FYTTD1: variants seen among roughly 807,000 people sequenced by gnomAD.
FYTTD1 encodes UAP56-interacting factor.
FYTTD1 carries 22 observed loss-of-function variants against 40.9 expected under a neutral mutation model. The observed-to-expected ratio is 0.54, with a 90% CI of 0.38 to 0.77. The LOEUF (loss-of-function observed/expected upper bound fraction) is 0.77, where lower values mean the gene tolerates loss of function less well. FYTTD1 is among the 30% of genes least tolerant of loss of function. The probability of loss-of-function intolerance (pLI) is 0.00; values close to 1 mark genes in which losing one functional copy is unlikely to be tolerated. For missense variants in FYTTD1, 351 were observed against 392.2 expected (o/e 0.90, Z 0.89); for synonymous variants, 140 against 137.9 (o/e 1.01, Z -0.10).
chr3:197,762,153 CAT>C (rs1729407226), intron 2 of FYTTD1, among the ~76,000 whole-genome samples: 1 of 152,178 alleles, frequency 6.6e-6, no homozygotes, highest in South Asian at 2.1e-4. Context: ...AGTATTTCAA[CAT>C]GTGAATTTTG....
At chr3:197,750,145 G>C (rs549481250) in intron 1 of FYTTD1, 71 bp downstream of exon 1, 33 of 1,186,540 alleles carry the variant, frequency 2.8e-5, no homozygotes, top group Non-Finnish European at 7.0e-6. Flanking sequence ...CGCGGTTTGT[G>C]GGGGCAGGGG....
chr3:197,786,905 T>C lies in FYTTD1; in HGVS notation c.*4996T>C, dbSNP rs1334090579. ...AGGATCCTTTCCGGGTTCAAGCAAT[T>C]CTTGTCCCTCAGCCTCGTAAGTAGG... On this transcript the variant is annotated 3_prime_UTR_variant, in exon 9 of 9. Coordinates refer to ENST00000241502, the MANE Select transcript of FYTTD1 (RefSeq NM_032288.7). The C allele has an allele frequency of 6.6e-6, 1 of 151,196 alleles. No individual in the cohort carries two copies. The highest frequency in any genetic ancestry group is 2.0e-4 in the East Asian group (1 of 5,100). The allele number at this position is 151,196 out of a possible 1,614,324, so 9.4% of individuals were successfully genotyped here.
chr3:197,779,879 TGC>T (rs1729979001), intron 8 of FYTTD1, among the ~76,000 whole-genome samples: 1 of 94,752 alleles, frequency 1.1e-5, no homozygotes. Context: ...AGGCACACAC[TGC>T]CACACCTGGG....
intron 8 of FYTTD1, among the ~76,000 whole-genome samples, chr3:197,781,162 A>C (rs1017263820): frequency 3.3e-5 from 5 of 151,916 alleles, no homozygotes; most frequent in Non-Finnish European, 5.9e-5. Context: ...AAAAATAAAA[A>C]AATTAGCCGG....
At chr3:197,771,383 C>T (rs1418610817) in intron 4 of FYTTD1, among the ~76,000 whole-genome samples, 1 of 152,142 alleles carries the variant, frequency 6.6e-6, no homozygotes, top group African/African-American at 2.4e-5. Context: ...AGTGGCTGGG[C>T]ACAGTGGCTC....
chr3:197,758,640 A>G (rs1376363883), intron 2 of FYTTD1, among the ~76,000 whole-genome samples: 2 of 152,228 alleles, frequency 1.3e-5, no homozygotes, highest in Non-Finnish European at 2.9e-5. Context: ...CTTGAAATAA[A>G]TGATATCTAG....
chr3:197,758,932 C>A (rs779103563), intron 2 of FYTTD1, among the ~76,000 whole-genome samples: 1 of 152,194 alleles, frequency 6.6e-6, no homozygotes, highest in Non-Finnish European at 1.5e-5. Flanking sequence ...TCTTTAACTT[C>A]GTGTGTGAAA....
chr3:197,762,190 A>G (rs1334558465), intron 2 of FYTTD1, among the ~76,000 whole-genome samples: 1 of 151,934 alleles, frequency 6.6e-6, no homozygotes, highest in East Asian at 1.9e-4. Flanking sequence ...TTCAGTCCTT[A>G]ACAAGCAGTT....
In FYTTD1 at chr3:197,766,430, G is replaced by GGTGTGTGTGTGTGTGTGTGTGTGTGTGT. The variant is rs111725145; in HGVS notation, c.236-2006_236-1979dup. Among the ~76,000 whole-genome samples the GGTGTGTGTGTGTGTGTGTGTGTGTGTGT allele has an allele frequency of 7.8e-4, 105 of 135,068 alleles. 1 individual carries two copies. The highest frequency in any genetic ancestry group is 3.2e-3 in the Admixed American group (41 of 12,666). The allele number at this position is 135,068 out of a possible 152,430, so 88.6% of individuals were successfully genotyped here. ...ATAGGTGTGTGTCGTGTTTGAGACT[G>GGTGTGTGTGTGTGTGTGTGTGTGTGTGT]GTGTGTGTGTGTGTGTGTGTGTGTG... On this transcript the variant is annotated intron_variant, in intron 2 of 8. Transcript: ENST00000241502.
chr3:197,768,903 C>T (rs992215336), intron 3 of FYTTD1, among the ~76,000 whole-genome samples: 1 of 151,656 alleles, frequency 6.6e-6, no homozygotes, highest in Non-Finnish European at 1.5e-5. Context: ...AGCAGTTCTC[C>T]TGCCTCAGCC....
intron 2 of FYTTD1, among the ~76,000 whole-genome samples, chr3:197,762,950 C>T (rs1729433158): frequency 2.0e-5 from 3 of 152,090 alleles, no homozygotes; most frequent in South Asian, 4.1e-4. Flanking sequence ...AGCAAACCCC[C>T]GTGATACATG....
rs149973613 is a variant in FYTTD1 at position 197,782,599 on chromosome 3, G to A, written c.*690G>A. On this transcript the variant is annotated 3_prime_UTR_variant, in exon 9 of 9. Transcript: ENST00000241502. ...TCACAAAGTTATCTGATAGGGCCTT[G>A]GAGGAGAAGGTCCAGTTTTAAAAAA... 1 of 152,274 alleles carries A rather than the reference G, an allele frequency of 6.6e-6. No individual in the cohort carries two copies. The highest frequency in any genetic ancestry group is 1.9e-4 in the East Asian group (1 of 5,188). The allele number at this position is 152,274 out of a possible 1,614,324, so 9.4% of individuals were successfully genotyped here. A position where few individuals can be genotyped will look rare whatever the true frequency, so the allele number is the denominator to read the frequency against.
At chr3:197,768,341 G>A (rs1365853687) in intron 2 of FYTTD1, 98 bp from the exon 3 acceptor site, 1 of 812,976 alleles carries the variant, frequency 1.2e-6, no homozygotes, top group African/African-American at 1.7e-5. Flanking sequence ...CATAATAAAT[G>A]TTCATAAGTT....
Position 197,768,653 on chromosome 3 carries a change from A to T in FYTTD1, c.384+66A>T. On this transcript the variant is annotated intron_variant, in intron 3 of 8. Transcript: ENST00000241502. Reference sequence around the variant, plus strand: ...TTTATTTGTACTAACATTTCTGTGAATAAGCTTAAGAGAGAATTTTATTTG... The same window carrying T: ...TTTATTTGTACTAACATTTCTGTGATTAAGCTTAAGAGAGAATTTTATTTG... 4 of 1,386,600 alleles carry T rather than the reference A, an allele frequency of 2.9e-6. No homozygotes were observed. The East Asian group carries it at 9.7e-5, about 34-fold the overall frequency. 85.9% of individuals were successfully genotyped at this position (1,386,600 alleles called of 1,614,324 possible).
intron 1 of FYTTD1, 52 bp from the exon 2 acceptor site, chr3:197,756,374 G>A: frequency 7.3e-7 from 1 of 1,373,498 alleles, no homozygotes; most frequent in Non-Finnish European, 1.0e-6. Context: ...AAACGAAACT[G>A]AGTAATTGAG....
intron 6 of FYTTD1, among the ~76,000 whole-genome samples, chr3:197,776,254 GGAGCGCAGTGGCA>G (rs1168894059): frequency 6.7e-5 from 10 of 148,700 alleles, no homozygotes; most frequent in Non-Finnish European, 1.5e-4. Flanking sequence ...TGCCCAGGCT[GGAGCGCAGTGGCA>G]CAATCTCAGT....
chr3:197,750,233 G>T (rs1405111974), intron 1 of FYTTD1, 159 bp downstream of exon 1: 1 of 824,344 alleles, frequency 1.2e-6, no homozygotes, highest in Non-Finnish European at 1.7e-6. Context: ...AGCCGGGAGC[G>T]CAGGCTCGAC....
At chr3:197,750,340 C>T (rs1350958016) in intron 1 of FYTTD1, 8 of 1,140,958 alleles carry the variant, frequency 7.0e-6, no homozygotes, top group Admixed American at 4.8e-5. Context: ...GCGCTGCGGG[C>T]CCGAAGGTTC....
intron 1 of FYTTD1, among the ~76,000 whole-genome samples, chr3:197,751,047 T>G (rs2109032432): frequency 6.6e-6 from 1 of 152,308 alleles, no homozygotes; most frequent in East Asian, 1.9e-4. Flanking sequence ...GCTGGCAGTT[T>G]TTCGGATATT....
Sources: gnomAD v4.1 joint callset for allele counts (sites outside exome capture counted in the v4.1 genomes callset) on GRCh38, gnomAD v4.1.1 for gene constraint, MANE v1.5 for transcripts, NCBI Gene and HGNC (gene_info 2026-07-23, HGNC 2026-07-21) for gene names.